Variants in NTNG1 observed in about 807,000 individuals in gnomAD.
NTNG1 encodes the protein netrin-G1.
Under a neutral mutation model 54.0 loss-of-function variants are expected in NTNG1, and 16 were observed. That is an observed-to-expected ratio of 0.30 (90% CI 0.20 to 0.45). The LOEUF is 0.45. Ranked by LOEUF, NTNG1 falls within the 20% of genes least tolerant of loss-of-function variation. The pLI is 1.00. For synonymous variants in NTNG1, 255 were observed against 263.1 expected, an observed-to-expected ratio of 0.97 and a Z score of 0.30; for missense variants, 530 against 678.7, an observed-to-expected ratio of 0.78 and a Z score of 2.43.
chr1:107,196,336 A>T (rs757415190), intron 2 of NTNG1, among the ~76,000 whole-genome samples: 1 of 152,032 alleles, frequency 6.6e-6, no homozygotes, highest in Non-Finnish European at 1.5e-5. Context: ...CATGTATGAA[A>T]TGGGTTATAA....
intron 2 of NTNG1, chr1:107,260,662 C>G (rs945306429): frequency 2.0e-5 from 3 of 152,162 alleles, no homozygotes; most frequent in African/African-American, 7.2e-5. Context: ...TGAGTTACTC[C>G]TGTTTGACAT....
intron 7 of NTNG1, among the ~76,000 whole-genome samples, chr1:107,469,830 G>A (rs1412330794): frequency 6.6e-6 from 1 of 152,074 alleles, no homozygotes; most frequent in Non-Finnish European, 1.5e-5. Context: ...ACAATAAACA[G>A]GTAAAAGATG....
chr1:107,400,044 A>G (rs141765225), intron 4 of NTNG1, among the ~76,000 whole-genome samples: 50 of 152,098 alleles, frequency 3.3e-4, no homozygotes, highest in Non-Finnish European at 6.8e-4. Context: ...TCTTAGTATT[A>G]TTGATTTAGT....
rs141438127 is a variant in NTNG1, at chr1:107,200,954, T to G, written c.246+52115T>G. On this transcript the variant is annotated intron_variant, in intron 2 of 7. Coordinates refer to ENST00000370068, the MANE Select transcript of NTNG1 (RefSeq NM_001113226.3). ...CCTCCCTTGAATTGTGTTTGCTTCT[T>G]ATACTGAACATTTACTGTGTTTGTT... Among the ~76,000 whole-genome samples, 1,009 of 151,988 alleles carry G rather than the reference T, an allele frequency of 6.6e-3. 6 individuals are homozygous for G. Among genetic ancestry groups the G allele is most frequent in the Non-Finnish European group, 0.011 (727 of 67,830 alleles).
intron 5 of NTNG1, among the ~76,000 whole-genome samples, chr1:107,429,529 A>C (rs1269555629): frequency 1.3e-5 from 2 of 152,190 alleles, no homozygotes; most frequent in African/African-American, 4.8e-5. Context: ...AAAAATATTT[A>C]TTGAATGAAT....
chr1:107,429,361 AG>A (rs1675109927), intron 5 of NTNG1, among the ~76,000 whole-genome samples: 1 of 152,116 alleles, frequency 6.6e-6, no homozygotes, highest in African/African-American at 2.4e-5. Context: ...TTTTTTTAAA[AG>A]TTTAAAAGTT....
intron 3 of NTNG1, among the ~76,000 whole-genome samples, chr1:107,366,194 A>G (rs527337969): frequency 1.3e-5 from 2 of 152,274 alleles, no homozygotes; most frequent in Non-Finnish European, 2.9e-5. Context: ...AATCTCCACA[A>G]TGTTAGACCT....
chr1:107,442,942 C>T (rs1202045133), intron 7 of NTNG1, among the ~76,000 whole-genome samples: 1 of 152,100 alleles, frequency 6.6e-6, no homozygotes, highest in East Asian at 1.9e-4. Context: ...CCAACAGTTA[C>T]GCTTTCTAGG....
At chr1:107,187,860 G>A (rs1295832254) in intron 2 of NTNG1, among the ~76,000 whole-genome samples, 1 of 152,116 alleles carries the variant, frequency 6.6e-6, no homozygotes, top group Admixed American at 6.6e-5. Context: ...GATTGGAGCA[G>A]GAAGGAGTGA....
chr1:107,401,226 G>A (rs1673013489), intron 4 of NTNG1, among the ~76,000 whole-genome samples: 1 of 152,080 alleles, frequency 6.6e-6, no homozygotes, highest in South Asian at 2.1e-4. Context: ...CCTCCCCGAG[G>A]GTTATTTACT....
chr1:107,325,938 A>G (rs1264047605), intron 3 of NTNG1, among the ~76,000 whole-genome samples: 1 of 152,118 alleles, frequency 6.6e-6, no homozygotes, highest in Non-Finnish European at 1.5e-5. Flanking sequence ...ATTCAAACAG[A>G]TAAGGCAGGA....
intron 2 of NTNG1, among the ~76,000 whole-genome samples, chr1:107,213,394 C>T (rs893411118): frequency 1.3e-5 from 2 of 152,140 alleles, no homozygotes; most frequent in African/African-American, 2.4e-5. Flanking sequence ...ACGCTCTCTC[C>T]GCTTCTGTAT....
At chr1:107,140,601 T>C (rs543072649), upstream of NTNG1, among the ~76,000 whole-genome samples, 137 of 150,968 alleles carry the variant, frequency 9.1e-4, no homozygotes, top group Admixed American at 2.9e-3. Flanking sequence ...TATTAGAGGA[T>C]CTTCTTGGCG....
intron 2 of NTNG1, among the ~76,000 whole-genome samples, chr1:107,180,258 TAGTA>T (rs1474833596): frequency 1.3e-5 from 2 of 152,180 alleles, no homozygotes; most frequent in Non-Finnish European, 2.9e-5. Flanking sequence ...TCCTTTTACT[TAGTA>T]AGCATAATAA....
At chr1:107,157,411 G>A (rs1655082160) in intron 2 of NTNG1, among the ~76,000 whole-genome samples, 1 of 152,150 alleles carries the variant, frequency 6.6e-6, no homozygotes, top group African/African-American at 2.4e-5. Flanking sequence ...GAGAAAGATA[G>A]TTAACAATTT....
chr1:107,419,203 T>C (rs1674421503), intron 5 of NTNG1, among the ~76,000 whole-genome samples: 1 of 151,076 alleles, frequency 6.6e-6, no homozygotes. Flanking sequence ...TCTCACTCCC[T>C]GTCTCCTCTC....
At chr1:107,267,126 G>A (rs966477545) in intron 2 of NTNG1, among the ~76,000 whole-genome samples, 4 of 152,276 alleles carry the variant, frequency 2.6e-5, no homozygotes, top group Non-Finnish European at 1.5e-5. Context: ...ATTGGGAGAC[G>A]TGTTAAAATG....
At chr1:107,253,100 TG>T (rs1191240828) in intron 2 of NTNG1, among the ~76,000 whole-genome samples, 2 of 152,218 alleles carry the variant, frequency 1.3e-5, no homozygotes, top group African/African-American at 4.8e-5. Context: ...CTTAATTTCA[TG>T]GATGTTTTCC....
At position 107,312,741 on chromosome 1, in the gene NTNG1, C is replaced by G. The variant is rs192033100; in HGVS notation, c.247-11541C>G. ...CTGGACTTACCAGGCATTTTTTATG[C>G]ACCTTAATCTTTACATACCACTGCA... On this transcript the variant is annotated intron_variant, in intron 2 of 7. Coordinates refer to ENST00000370068, the MANE Select transcript of NTNG1 (RefSeq NM_001113226.3). Among the ~76,000 whole-genome samples the G allele has an allele frequency of 3.5e-4, 53 of 152,246 alleles. 1 individual carries two copies. In the East Asian group the frequency reaches 9.7e-3, roughly 28 times the overall value.
Sources: gnomAD v4.1 joint callset for allele counts (sites outside exome capture counted in the v4.1 genomes callset) on GRCh38, gnomAD v4.1.1 for gene constraint, MANE v1.5 for transcripts, NCBI Gene and HGNC (gene_info 2026-07-23, HGNC 2026-07-21) for gene names.